GASK1A: variants seen among roughly 807,000 people sequenced by gnomAD.
The protein encoded by GASK1A is golgi associated kinase 1A.
GASK1A carries 40 observed loss-of-function variants against 41.2 expected under a neutral mutation model. The ratio of observed to expected loss-of-function variants is 0.97; its 90% CI spans 0.75 to 1.27. The LOEUF is 1.27. Ranked by LOEUF, GASK1A falls within the 50% of genes most tolerant of loss-of-function variation. GASK1A has a pLI of 0.00. For synonymous variants in GASK1A, 316 were observed against 307.1 expected (o/e 1.03, Z -0.30); for missense variants, 678 against 745.1 (o/e 0.91, Z 1.05).
intron 2 of GASK1A, among the ~76,000 whole-genome samples, chr3:43,041,606 G>T (rs2089638656): frequency 6.6e-6 from 1 of 152,184 alleles, no homozygotes; most frequent in South Asian, 2.1e-4. Context: ...TATTTCTTCT[G>T]CATATTAACT....
At chr3:43,055,200 A>G (rs944236916) in intron 3 of GASK1A, among the ~76,000 whole-genome samples, 1 of 152,224 alleles carries the variant, frequency 6.6e-6, no homozygotes, top group African/African-American at 2.4e-5. Context: ...TAGGGCTAAC[A>G]CTAGTGCCTG....
At chr3:43,005,271 T>C (rs754334956) in intron 1 of GASK1A, among the ~76,000 whole-genome samples, 12 of 152,264 alleles carry the variant, frequency 7.9e-5, no homozygotes, top group Non-Finnish European at 1.3e-4. Flanking sequence ...TCTTAACGGC[T>C]GAGCAGTATC....
chr3:43,018,809 C>G (rs2089507222), intron 1 of GASK1A, among the ~76,000 whole-genome samples: 1 of 152,208 alleles, frequency 6.6e-6, no homozygotes, highest in Non-Finnish European at 1.5e-5. Context: ...GATAAGCCCC[C>G]TTTGAGAGAA....
chr3:43,010,781 T>C (rs2089459617), intron 1 of GASK1A, among the ~76,000 whole-genome samples: 1 of 152,248 alleles, frequency 6.6e-6, no homozygotes. Flanking sequence ...TCCAAGGAAG[T>C]TTCCATCACA....
At chr3:43,028,598 A>C (rs531404050) in intron 1 of GASK1A, among the ~76,000 whole-genome samples, 1 of 152,306 alleles carries the variant, frequency 6.6e-6, no homozygotes, top group Admixed American at 6.5e-5. Context: ...ACACAGAGTC[A>C]TCTCCTAACC....
intron 1 of GASK1A, among the ~76,000 whole-genome samples, chr3:42,982,199 A>G (rs1448392005): frequency 1.3e-5 from 2 of 152,180 alleles, no homozygotes; most frequent in Admixed American, 6.5e-5. Context: ...CTTTCTTTGC[A>G]GTGGTGGTGG....
At chr3:43,013,450 G>T (rs2089474445) in intron 1 of GASK1A, among the ~76,000 whole-genome samples, 1 of 151,588 alleles carries the variant, frequency 6.6e-6, no homozygotes, top group Non-Finnish European at 1.5e-5. Context: ...TTACAAGAAG[G>T]TGCAGTGGGA....
In GASK1A at chr3:43,033,383, G is replaced by A. The variant is rs546462777; in HGVS notation, c.1120G>A (p.Asp374Asn). The A allele has an allele frequency of 1.2e-4, 185 of 1,551,510 alleles. 1 individual carries two copies. The East Asian group carries it at 3.8e-3, about 32-fold the overall frequency. Residue 374 changes from aspartate to asparagine, a missense_variant, in exon 2 of 5, where the codon GAT (aspartate) becomes AAT (asparagine). Physicochemically the swap from Asp to Asn is conservative, Grantham distance 23. Transcript: ENST00000430121. Reference sequence around the variant, plus strand: ...AAGGCCTGTCATCTGGTGGGCACCCGATGTGCAGCACCTGAGCGACCCAGA... The same window carrying A: ...AAGGCCTGTCATCTGGTGGGCACCCAATGTGCAGCACCTGAGCGACCCAGA... ...GARPVIWWAP[D>N]VQHLSDPDED...
Position 42,979,611 on chromosome 3 carries a change from G to A in GASK1A, c.-32G>A. On this transcript the variant is annotated 5_prime_UTR_variant, in exon 1 of 5. Coordinates refer to ENST00000430121, the MANE Select transcript of GASK1A (RefSeq NM_001129908.3). ...ATGAGTCTGCGAGCCGGCTGAGCGCGCCGAGGAGCCGGCCGGGGCACCGCC... is the reference window on the plus strand; with the variant it reads ...ATGAGTCTGCGAGCCGGCTGAGCGCACCGAGGAGCCGGCCGGGGCACCGCC... 1 of 1,242,090 alleles carries A rather than the reference G, an allele frequency of 8.1e-7. No homozygotes were observed. Among genetic ancestry groups the A allele is most frequent in the East Asian group, 3.2e-5 (1 of 31,674 alleles). 76.9% of individuals were successfully genotyped at this position (1,242,090 alleles called of 1,614,324 possible).
intron 1 of GASK1A, among the ~76,000 whole-genome samples, chr3:43,021,098 G>T (rs1306912136): frequency 1.3e-5 from 2 of 152,128 alleles, no homozygotes; most frequent in Admixed American, 6.5e-5. Context: ...TTTGGTGGTG[G>T]TTCCTGTCCC....
At chr3:42,988,075 A>G (rs1412379214) in intron 1 of GASK1A, among the ~76,000 whole-genome samples, 1 of 150,512 alleles carries the variant, frequency 6.6e-6, no homozygotes, top group East Asian at 2.0e-4. Flanking sequence ...TATGTCCCCC[A>G]AGCCACCTTG....
chr3:42,993,717 C>T (rs969127940), intron 1 of GASK1A, among the ~76,000 whole-genome samples: 2 of 152,198 alleles, frequency 1.3e-5, no homozygotes, highest in African/African-American at 4.8e-5. Flanking sequence ...CCAGCCTCTA[C>T]TCCACGGCCA....
chr3:43,015,227 G>T (rs2089484241), intron 1 of GASK1A, among the ~76,000 whole-genome samples: 1 of 150,876 alleles, frequency 6.6e-6, no homozygotes, highest in Non-Finnish European at 1.5e-5. Flanking sequence ...GGAAGGGGCA[G>T]TGGGAAGTCA....
intron 1 of GASK1A, among the ~76,000 whole-genome samples, chr3:43,029,993 CTT>C (rs1204204259): frequency 2.0e-5 from 3 of 152,164 alleles, no homozygotes; most frequent in Non-Finnish European, 2.9e-5. Context: ...AGGAAAGACT[CTT>C]TTGTGATTTT....
chr3:42,994,321 G>T (rs1225153042), intron 1 of GASK1A, among the ~76,000 whole-genome samples: 2 of 152,134 alleles, frequency 1.3e-5, no homozygotes. Flanking sequence ...CTGGGCAGAG[G>T]ACAACACCAG....
chr3:43,027,766 A>G (rs544962035), intron 1 of GASK1A, among the ~76,000 whole-genome samples: 1 of 152,354 alleles, frequency 6.6e-6, no homozygotes, highest in East Asian at 1.9e-4. Context: ...ACATAGTACA[A>G]GACTTCAAAT....
chr3:43,029,459 T>C (rs915474153), intron 1 of GASK1A, among the ~76,000 whole-genome samples: 2 of 152,082 alleles, frequency 1.3e-5, no homozygotes, highest in African/African-American at 4.8e-5. Context: ...AGCCCACAGC[T>C]GAGTCAGTCC....
chr3:43,040,876 T>TTC (rs1553615983), intron 2 of GASK1A, among the ~76,000 whole-genome samples: 2 of 90,080 alleles, frequency 2.2e-5, no homozygotes, highest in Admixed American at 1.4e-4. Context: ...ATGCTATCCC[T>TTC]CCCCCCCGCC....
chr3:43,041,015 A>G (rs1455522879), intron 2 of GASK1A, among the ~76,000 whole-genome samples: 5 of 150,212 alleles, frequency 3.3e-5, no homozygotes, highest in East Asian at 2.0e-4. Flanking sequence ...GAGAATGATG[A>G]TTTCCAATTT....
Sources: allele counts gnomAD v4.1 joint callset (sites outside exome capture counted in the v4.1 genomes callset), GRCh38; gene constraint gnomAD v4.1.1; transcripts MANE v1.5; gene names NCBI Gene and HGNC (gene_info 2026-07-23, HGNC 2026-07-21).